Variants in PALS1 observed in about 807,000 individuals in gnomAD.
PALS1 encodes the protein protein PALS1.
Under a neutral mutation model 78.9 loss-of-function variants are expected in PALS1, and 31 were observed. The ratio of observed to expected loss-of-function variants is 0.39; its 90% CI spans 0.30 to 0.53. The LOEUF (loss-of-function observed/expected upper bound fraction) is 0.53. PALS1 is among the 20% of genes least tolerant of loss of function. PALS1 has a pLI of 0.67. For missense variants in PALS1, 704 were observed against 826.5 expected (o/e 0.85, Z 1.82); for synonymous variants, 276 against 270.9 (o/e 1.02, Z -0.18).
chr14:67,318,018 C>G (rs1338364678), intron 11 of PALS1, among the ~76,000 whole-genome samples: 1 of 152,162 alleles, frequency 6.6e-6, no homozygotes, highest in Non-Finnish European at 1.5e-5. Context: ...ATATCAAGCA[C>G]CTGGTGTCTA....
chr14:67,330,325 ACT>A (rs1252951798), intron 14 of PALS1, among the ~76,000 whole-genome samples: 1 of 151,494 alleles, frequency 6.6e-6, no homozygotes, highest in Non-Finnish European at 1.5e-5. Flanking sequence ...TAATTTTTAA[ACT>A]CTTCTTTTCA....
rs747391670 is a variant in PALS1 at position 67,332,860 on chromosome 14, G to A, written c.1932G>A (p.Val644=). The change falls in exon 15 of 15, where the codon GTG becomes GTA. Residue 644 remains valine, a synonymous_variant. Coordinates refer to ENST00000261681, the MANE Select transcript of PALS1 (RefSeq NM_022474.4). ...GCCACTACTTTGATACGGCAATTGT[G>A]AATTCCGATCTTGATAAAGCCTATC... ...NNGHYFDTAI[V]NSDLDKAYQE... 1 of 1,614,026 alleles carries A rather than the reference G, an allele frequency of 6.2e-7. No individual in the cohort carries two copies. The highest frequency in any genetic ancestry group is 1.7e-5 in the Admixed American group (1 of 60,014).
Position 67,300,767 on chromosome 14 carries a change from T to C in PALS1, c.577-622T>C, listed in dbSNP as rs553621840. On this transcript the variant is annotated intron_variant, in intron 4 of 14. Coordinates refer to ENST00000261681, the MANE Select transcript of PALS1 (RefSeq NM_022474.4). Reference sequence around the variant, plus strand: ...ACAAAGATTTCTCGACTGTGGGAAATTTAATGTAATCCATTATATTATGGT... The same window carrying C: ...ACAAAGATTTCTCGACTGTGGGAAACTTAATGTAATCCATTATATTATGGT... Among the ~76,000 whole-genome samples, 3 of 152,290 alleles carry C rather than the reference T, an allele frequency of 2.0e-5. No individual in the cohort carries two copies. The South Asian group carries it at 6.2e-4, about 32-fold the overall frequency.
At chr14:67,264,245 T>C (rs2084283841) in intron 1 of PALS1, among the ~76,000 whole-genome samples, 1 of 152,236 alleles carries the variant, frequency 6.6e-6, no homozygotes, top group Non-Finnish European at 1.5e-5. Flanking sequence ...ATGACAGTGG[T>C]ATTTAAATTT....
At chr14:67,249,014 G>A (rs141109746) in intron 1 of PALS1, among the ~76,000 whole-genome samples, 2,905 of 151,554 alleles carry the variant, frequency 0.019, 38 homozygotes, top group Middle Eastern at 0.034. Flanking sequence ...CCAGGCTGGA[G>A]TGCAATGGCA....
chr14:67,315,086 CAGAA>C (rs2085147147), intron 9 of PALS1, among the ~76,000 whole-genome samples: 1 of 150,744 alleles, frequency 6.6e-6, no homozygotes, highest in South Asian at 2.1e-4. Context: ...AGAGCAGTCT[CAGAA>C]AAAGAAAGAA....
In PALS1 at chr14:67,334,786, A is replaced by G. The variant is rs2085505096; in HGVS notation, c.*1830A>G. ...ACAGGTCACACCGATTTTTAGCATT[A>G]AAAACTAAGGAATATACTTAGCACT... On this transcript the variant is annotated 3_prime_UTR_variant, in exon 15 of 15. Transcript: ENST00000261681. 1 of 152,232 alleles carries G rather than the reference A, an allele frequency of 6.6e-6. No individual in the cohort carries two copies. Among genetic ancestry groups the G allele is most frequent in the African/African-American group, 2.4e-5 (1 of 41,462 alleles). 9.4% of individuals were successfully genotyped at this position (152,232 alleles called of 1,614,324 possible).
At chr14:67,306,892 A>G (rs989472450) in intron 8 of PALS1, among the ~76,000 whole-genome samples, 1 of 152,248 alleles carries the variant, frequency 6.6e-6, no homozygotes, top group Non-Finnish European at 1.5e-5. Flanking sequence ...GAGTATCATT[A>G]TGGTACAGGT....
intron 8 of PALS1, among the ~76,000 whole-genome samples, chr14:67,310,075 A>T (rs1323643881): frequency 2.7e-5 from 4 of 148,334 alleles, no homozygotes; most frequent in African/African-American, 7.4e-5. Flanking sequence ...TTTTTTTTTT[A>T]AAGAAAACAT....
At chr14:67,268,395 A>G (rs145086064) in intron 1 of PALS1, among the ~76,000 whole-genome samples, 72 of 152,342 alleles carry the variant, frequency 4.7e-4, no homozygotes, top group African/African-American at 1.6e-3. Context: ...ATGAGAAAGA[A>G]TTTGGGGCAA....
chr14:67,267,299 C>T (rs554404052), intron 1 of PALS1, among the ~76,000 whole-genome samples: 1 of 152,120 alleles, frequency 6.6e-6, no homozygotes, highest in East Asian at 1.9e-4. Context: ...ACTCTTGTCG[C>T]CCAGGCTGGA....
At chr14:67,266,888 T>A (rs905267962) in intron 1 of PALS1, among the ~76,000 whole-genome samples, 5 of 151,944 alleles carry the variant, frequency 3.3e-5, no homozygotes, top group African/African-American at 1.2e-4. Flanking sequence ...GGTGGACAGA[T>A]CACTTGAGCC....
At chr14:67,329,532 G>C (rs1295742742) in intron 14 of PALS1, among the ~76,000 whole-genome samples, 1 of 152,202 alleles carries the variant, frequency 6.6e-6, no homozygotes, top group Non-Finnish European at 1.5e-5. Context: ...GGAGTGGTGA[G>C]AGAGGGCATC....
chr14:67,326,365 C>T (rs2141026335), intron 14 of PALS1, among the ~76,000 whole-genome samples: 1 of 150,072 alleles, frequency 6.7e-6, no homozygotes, highest in South Asian at 2.1e-4. Flanking sequence ...GCATGTGCCA[C>T]AGGTCCTAGC....
At chr14:67,323,201 GTATA>G (rs894770144) in intron 13 of PALS1, among the ~76,000 whole-genome samples, 1 of 146,702 alleles carries the variant, frequency 6.8e-6, no homozygotes, top group Non-Finnish European at 1.5e-5. Flanking sequence ...TATTATATGT[GTATA>G]TATATACATA....
At chr14:67,256,545 T>C (rs1194918188) in intron 1 of PALS1, among the ~76,000 whole-genome samples, 1 of 152,216 alleles carries the variant, frequency 6.6e-6, no homozygotes, top group Non-Finnish European at 1.5e-5. Flanking sequence ...TATCCTTTTT[T>C]CTTTTTTCTT....
chr14:67,299,197 A>G (rs568494813), intron 4 of PALS1, among the ~76,000 whole-genome samples: 7 of 152,314 alleles, frequency 4.6e-5, no homozygotes, highest in African/African-American at 1.7e-4. Flanking sequence ...CTATTTCTCT[A>G]TCTTTTGTGA....
chr14:67,310,750 T>G (rs954702908), intron 8 of PALS1, among the ~76,000 whole-genome samples: 1 of 152,220 alleles, frequency 6.6e-6, no homozygotes. Context: ...TTCCTATTTA[T>G]AGAAGTTAAT....
intron 1 of PALS1, among the ~76,000 whole-genome samples, chr14:67,251,269 C>T (rs974392022): frequency 6.6e-6 from 1 of 152,180 alleles, no homozygotes; most frequent in Non-Finnish European, 1.5e-5. Flanking sequence ...CGCAGTGGCT[C>T]ATGCCTGAAA....
Sources: gnomAD v4.1 joint callset for allele counts (sites outside exome capture counted in the v4.1 genomes callset) on GRCh38, gnomAD v4.1.1 for gene constraint, MANE v1.5 for transcripts, NCBI Gene and HGNC (gene_info 2026-07-23, HGNC 2026-07-21) for gene names.